The following COLGALT1 variants were observed in gnomAD, a reference collection of about 807,000 sequenced individuals.
COLGALT1 encodes procollagen galactosyltransferase 1.
COLGALT1 carries 43 observed loss-of-function variants against 60.8 expected under a neutral mutation model. That is an observed-to-expected ratio of 0.71 (90% CI 0.55 to 0.91). The LOEUF is 0.91. Among genes scored for constraint, COLGALT1 ranks in the 40% least tolerant of loss-of-function variants. COLGALT1 has a pLI of 0.00. For missense variants in COLGALT1, 845 were observed against 880.0 expected (o/e 0.96, Z 0.50); for synonymous variants, 369 against 374.2 (o/e 0.99, Z 0.16).
intron 6 of COLGALT1, among the ~76,000 whole-genome samples, chr19:17,573,784 G>T (rs1037210080): frequency 6.6e-6 from 1 of 151,518 alleles, no homozygotes; most frequent in Non-Finnish European, 1.5e-5. Flanking sequence ...TGAGAATATC[G>T]TGGGCAACAT....
chr19:17,561,622 ACT>A (rs1434749993), intron 3 of COLGALT1, among the ~76,000 whole-genome samples: 50 of 115,076 alleles, frequency 4.3e-4, no homozygotes, highest in African/African-American at 1.4e-3. Flanking sequence ...ACAGTATGAG[ACT>A]CTGTCTCAAA....
chr19:17,577,208 C>T lies in COLGALT1; in HGVS notation c.963C>T (p.Pro321=). The T allele has an allele frequency of 6.2e-7, 1 of 1,613,064 alleles. No homozygotes were observed. Among genetic ancestry groups the T allele is most frequent in the Non-Finnish European group, 8.5e-7 (1 of 1,179,596 alleles). The change falls in exon 7 of 12, where the codon CCC becomes CCT. Residue 321 remains proline, a synonymous_variant. Transcript: ENST00000252599. ...VQLEVMVKHP[P]AEPSRFISAP... is the part of the protein sequence containing the mutation. ...TGTGCCCCACAGTGAAGCACCCGCC[C>T]GCAGAGCCCTCCCGCTTCATCTCGG...
chr19:17,577,468 G>C lies in COLGALT1; in HGVS notation c.1133+1G>C. ...GGCTGGTGGAGGCCGTGGACGGCAA[G>C]TGAGTCCGAGGCCTGGGGGTGGGGG... On this transcript the variant is annotated splice_donor_variant, in intron 8 of 11. Transcript: ENST00000252599. LOFTEE classifies it high-confidence loss of function. 1 of 1,317,850 alleles carries C rather than the reference G, an allele frequency of 7.6e-7. No homozygotes were observed. Among genetic ancestry groups the C allele is most frequent in the Middle Eastern group, 2.9e-4 (1 of 3,508 alleles). The allele number at this position is 1,317,850 out of a possible 1,614,324, so 81.6% of individuals were successfully genotyped here. A position where few individuals can be genotyped will look rare whatever the true frequency, so the allele number is the denominator to read the frequency against.
At chr19:17,572,349 G>A in intron 5 of COLGALT1, 134 bp from the exon 6 acceptor site, 1 of 1,278,488 alleles carries the variant, frequency 7.8e-7, no homozygotes, top group Non-Finnish European at 1.1e-6. Flanking sequence ...TTGCTCTGTT[G>A]CCCAGGCTGG....
chr19:17,566,974 G>T (rs1451723093), intron 3 of COLGALT1, among the ~76,000 whole-genome samples: 3 of 152,062 alleles, frequency 2.0e-5, no homozygotes, highest in Admixed American at 2.0e-4. Context: ...AGTTACCCGG[G>T]TGTGATGGTG....
chr19:17,557,936 T>A (rs1291037203), intron 1 of COLGALT1, among the ~76,000 whole-genome samples: 1 of 151,876 alleles, frequency 6.6e-6, no homozygotes, highest in East Asian at 2.0e-4. Context: ...TTTTAATATT[T>A]TTTATTTATT....
chr19:17,567,114 CAAA>C (rs1004955907), intron 3 of COLGALT1, among the ~76,000 whole-genome samples: 2 of 142,774 alleles, frequency 1.4e-5, no homozygotes, highest in African/African-American at 2.6e-5. Context: ...GACTCCGTCT[CAAA>C]AAAAAAAAGG....
intron 6 of COLGALT1, among the ~76,000 whole-genome samples, chr19:17,574,451 C>G (rs2076329814): frequency 6.6e-6 from 1 of 151,964 alleles, no homozygotes; most frequent in African/African-American, 2.4e-5. Flanking sequence ...CTGCCTCAGC[C>G]TCCCGAGTAG....
At chr19:17,577,002 C>G (rs887461887) in intron 6 of COLGALT1, 193 bp from the exon 7 acceptor site, 6 of 599,856 alleles carry the variant, frequency 1.0e-5, no homozygotes, top group Non-Finnish European at 1.5e-5. Context: ...GTGGCCAGGG[C>G]TTTGGGCTGC....
Position 17,582,553 on chromosome 19 carries a change from C to T in COLGALT1, c.*1109C>T, listed in dbSNP as rs186224429. 3.5e-4 allele frequency: 53 copies of T among 152,346 alleles called. No individual in the cohort carries two copies. The highest frequency in any genetic ancestry group is 1.2e-3 in the African/African-American group (48 of 41,564). 9.4% of individuals were successfully genotyped at this position (152,346 alleles called of 1,614,324 possible). On this transcript the variant is annotated 3_prime_UTR_variant, in exon 12 of 12. Transcript: ENST00000252599. The stretch of plus-strand genomic sequence containing the variant: ...AGTCTGCATTTTCGATCATGGGCTA[C>T]ATGCCGAGTGCTGGGGCACAGAGAT...
intron 3 of COLGALT1, among the ~76,000 whole-genome samples, chr19:17,562,138 C>T (rs1818114237): frequency 6.6e-6 from 1 of 152,206 alleles, no homozygotes; most frequent in African/African-American, 2.4e-5. Flanking sequence ...TCCCAAAGTG[C>T]TGGGATTATA....
chr19:17,577,164 C>CCAGCGACTCCT lies in COLGALT1; in HGVS notation c.950-28_950-18dup, dbSNP rs765126453. ...GGAGAGAGGCTGGAGGCTCCTTACC[C>CCAGCGACTCCT]CAGCGACTCCTCAACGTCTGTGCCC... On this transcript the variant is annotated intron_variant, in intron 6 of 11. Coordinates refer to ENST00000252599, the MANE Select transcript of COLGALT1 (RefSeq NM_024656.4). 3.7e-6 allele frequency: 6 copies of CCAGCGACTCCT among 1,609,188 alleles called. No individual in the cohort carries two copies. The East Asian group carries it at 1.3e-4, about 36-fold the overall frequency.
chr19:17,557,053 A>G (rs768029337), intron 1 of COLGALT1, among the ~76,000 whole-genome samples: 2 of 152,190 alleles, frequency 1.3e-5, no homozygotes, highest in African/African-American at 4.8e-5. Context: ...TATCATGATT[A>G]CTGTCATTGC....
In COLGALT1 at chr19:17,572,520, A is replaced by G. The variant is rs2076318962; in HGVS notation, c.867A>G (p.Gly289=). 1 of 1,614,022 alleles carries G rather than the reference A, an allele frequency of 6.2e-7. No individual in the cohort carries two copies. Among genetic ancestry groups the G allele is most frequent in the African/African-American group, 1.3e-5 (1 of 74,910 alleles). The change falls in exon 6 of 12, where the codon GGA becomes GGG. Residue 289 remains glycine (G), a synonymous_variant. Coordinates refer to ENST00000252599, the MANE Select transcript of COLGALT1 (RefSeq NM_024656.4). ...ATGTGTGCAACAAGGAGGAGTACGGATTCTTGCCAGTGCCATTGCGCGCCC... is the reference window on the plus strand; with the variant it reads ...ATGTGTGCAACAAGGAGGAGTACGGGTTCTTGCCAGTGCCATTGCGCGCCC... ...QMYVCNKEEY[G]FLPVPLRAHS...
Position 17,559,384 on chromosome 19 carries a change from T to C in COLGALT1, c.334T>C (p.Tyr112His). The C allele has an allele frequency of 6.4e-7, 1 of 1,552,188 alleles. No homozygotes were observed. Among genetic ancestry groups the C allele is most frequent in the Non-Finnish European group, 8.7e-7 (1 of 1,147,294 alleles). ...REWLVAVKSLYHSVEWRPAEE... is the reference protein window; with the variant it reads ...REWLVAVKSLHHSVEWRPAEE... ...GTGGCTGGTGGCCGTGAAGAGTTTG[T>C]ACCATTCCGTGGAGTGGCGGCCAGC... is the stretch of plus-strand genomic sequence containing the variant. The change falls in exon 2 of 12, where the codon TAC (tyrosine) becomes CAC (histidine). Residue 112 changes from tyrosine to histidine, a missense_variant. Physicochemically the swap from Tyr to His is moderately conservative, Grantham distance 83. Transcript: ENST00000252599.
At chr19:17,573,471 G>A (rs1335112560) in intron 6 of COLGALT1, among the ~76,000 whole-genome samples, 2 of 152,188 alleles carry the variant, frequency 1.3e-5, no homozygotes, top group Non-Finnish European at 2.9e-5. Context: ...GGAGGTTGCA[G>A]TGAGCCGAGA....
intron 3 of COLGALT1, among the ~76,000 whole-genome samples, chr19:17,563,562 C>G (rs113544661): frequency 6.6e-6 from 1 of 152,108 alleles, no homozygotes; most frequent in Non-Finnish European, 1.5e-5. Flanking sequence ...TGTTGGCCAG[C>G]ATGGTCTCGA....
chr19:17,577,853 G>A, intron 8 of COLGALT1, 104 bp from the exon 9 acceptor site: 1 of 1,465,194 alleles, frequency 6.8e-7, no homozygotes, highest in South Asian at 1.3e-5. Flanking sequence ...GCTACAAGAG[G>A]TGGACCAGCT....
At position 17,577,462 on chromosome 19, in the gene COLGALT1, C is replaced by T. The variant is rs2076351170; in HGVS notation, c.1128C>T (p.Asp376=). 5 of 726,402 alleles carry T rather than the reference C, an allele frequency of 6.9e-6. No individual in the cohort carries two copies. Among genetic ancestry groups the T allele is most frequent in the Admixed American group, 1.0e-4 (1 of 9,878 alleles). 45.0% of individuals were successfully genotyped at this position (726,402 alleles called of 1,614,324 possible). The change falls in exon 8 of 12, where the codon GAC becomes GAT. Residue 376 remains aspartate (D), a synonymous_variant. Coordinates refer to ENST00000252599, the MANE Select transcript of COLGALT1 (RefSeq NM_024656.4). The stretch of plus-strand genomic sequence containing the variant: ...AGTGCCGGCTGGTGGAGGCCGTGGA[C>T]GGCAAGTGAGTCCGAGGCCTGGGGG... ...EIECRLVEAV[D]GKAMNTSQVE...
Sources: gnomAD v4.1 joint callset for allele counts (sites outside exome capture counted in the v4.1 genomes callset) on GRCh38, gnomAD v4.1.1 for gene constraint, MANE v1.5 for transcripts, NCBI Gene and HGNC (gene_info 2026-07-23, HGNC 2026-07-21) for gene names.